The following NF1 variants were observed in gnomAD, a reference collection of about 807,000 sequenced individuals.
NF1 encodes the protein neurofibromin.
A neutral mutation model predicts 325.7 loss-of-function variants in NF1; 122 were observed. That is an observed-to-expected ratio of 0.37 (90% CI 0.32 to 0.44). NF1 has a LOEUF of 0.44. NF1 is among the 20% of genes least tolerant of loss of function. The pLI, the probability that NF1 is intolerant of heterozygous loss-of-function variation, is 1.00. For synonymous variants in NF1, 1,091 were observed against 1,186.0 expected, an observed-to-expected ratio of 0.92 and a Z score of 1.65; for missense variants, 2,140 against 3,415.4, an observed-to-expected ratio of 0.63 and a Z score of 9.31.
intron 36 of NF1, among the ~76,000 whole-genome samples, chr17:31,293,494 A>G (rs898891909): frequency 2.0e-5 from 3 of 152,222 alleles, no homozygotes; most frequent in African/African-American, 7.2e-5. Flanking sequence ...GAGCCACTGT[A>G]CTAGACAGCA....
At chr17:31,358,770 A>G (rs2070333880) in intron 55 of NF1, 148 bp downstream of exon 55, 1 of 1,183,130 alleles carries the variant, frequency 8.5e-7, no homozygotes, top group Non-Finnish European at 1.2e-6. Context: ...TCTCAACTGT[A>G]TGTCCAATGT....
At chr17:31,114,034 C>T (rs1314933951) in intron 1 of NF1, among the ~76,000 whole-genome samples, 1 of 151,944 alleles carries the variant, frequency 6.6e-6, no homozygotes, top group Non-Finnish European at 1.5e-5. Context: ...TACCTAGGGA[C>T]TAAATTGTAA....
In NF1 at chr17:31,142,806, G is replaced by A. The variant is rs538153337; in HGVS notation, c.61-13177G>A. On this transcript the variant is annotated intron_variant, in intron 1 of 57. Transcript: ENST00000358273. ...GGCATGAACCCGGGAGGCGGAGCTT[G>A]CAGTGAACCGAGATCGCGCCACTGT... Among the ~76,000 whole-genome samples, 7 of 152,000 alleles carry A rather than the reference G, an allele frequency of 4.6e-5. No homozygotes were observed. The South Asian group carries it at 1.2e-3, about 27-fold the overall frequency.
intron 36 of NF1, chr17:31,294,922 G>T: frequency 6.5e-7 from 1 of 1,549,978 alleles, no homozygotes. Flanking sequence ...CTTAAATATA[G>T]CTCGAATCAC....
At chr17:31,285,853 T>C (rs562138034) in intron 36 of NF1, among the ~76,000 whole-genome samples, 1 of 152,276 alleles carries the variant, frequency 6.6e-6, no homozygotes, top group African/African-American at 2.4e-5. Flanking sequence ...AAACTAGCTC[T>C]TAGTGGTATT....
At chr17:31,259,262 G>T in intron 33 of NF1, 133 bp downstream of exon 33, 1 of 597,210 alleles carries the variant, frequency 1.7e-6, no homozygotes, top group Non-Finnish European at 3.1e-6. Flanking sequence ...TCAAGACATA[G>T]CTTGTCTTAT....
chr17:31,267,725 C>T (rs112867052), intron 36 of NF1, among the ~76,000 whole-genome samples: 1,851 of 152,302 alleles, frequency 0.012, 37 homozygotes, highest in African/African-American at 0.041. Flanking sequence ...GGTCCACAGA[C>T]GTTTCAGACT....
chr17:31,195,792 A>G (rs2066424823), intron 8 of NF1, among the ~76,000 whole-genome samples: 1 of 151,884 alleles, frequency 6.6e-6, no homozygotes, highest in Non-Finnish European at 1.5e-5. Flanking sequence ...GATATATTCC[A>G]TTGTATATAT....
chr17:31,330,242 G>A, intron 38 of NF1, 54 bp from the exon 39 acceptor site: 3 of 1,495,588 alleles, frequency 2.0e-6, no homozygotes, highest in Non-Finnish European at 2.8e-6. Context: ...AAAAAATTTT[G>A]GAACTATAAG....
In NF1 at chr17:31,232,229, A is replaced by G. The variant is rs764838011; in HGVS notation, c.3314+40A>G. On this transcript the variant is annotated intron_variant, in intron 25 of 57. Transcript: ENST00000358273. ...CCAAAAAACATAAAGCAAAAAGCAAATAAAGCCCCCCACCACACAAAAAAA... is the reference window on the plus strand; with the variant it reads ...CCAAAAAACATAAAGCAAAAAGCAAGTAAAGCCCCCCACCACACAAAAAAA... The G allele has an allele frequency of 4.9e-6, 6 of 1,234,496 alleles. No homozygotes were observed. In the East Asian group the frequency reaches 1.2e-4, roughly 24 times the overall value. The allele number at this position is 1,234,496 out of a possible 1,614,324, so 76.5% of individuals were successfully genotyped here. A position where few individuals can be genotyped will look rare whatever the true frequency, so the allele number is the denominator to read the frequency against.
chr17:31,248,775 G>T (rs1431522574), intron 29 of NF1, among the ~76,000 whole-genome samples: 1 of 151,636 alleles, frequency 6.6e-6, no homozygotes, highest in Non-Finnish European at 1.5e-5. Flanking sequence ...TGTCAGCCTT[G>T]GCCTCCCAAA....
At chr17:31,154,021 G>C in intron 1 of NF1, among the ~76,000 whole-genome samples, 1 of 130,156 alleles carries the variant, frequency 7.7e-6, no homozygotes, top group Non-Finnish European at 1.7e-5. Context: ...TCATCAGTTT[G>C]TGTTTTTACT....
intron 1 of NF1, among the ~76,000 whole-genome samples, chr17:31,096,841 CTA>C (rs1911768887): frequency 6.6e-6 from 1 of 152,068 alleles, no homozygotes; most frequent in African/African-American, 2.4e-5. Flanking sequence ...CCAAAGGCAT[CTA>C]AACTAAACTA....
intron 36 of NF1, among the ~76,000 whole-genome samples, chr17:31,265,556 G>T (rs1418000070): frequency 1.3e-5 from 2 of 151,502 alleles, no homozygotes; most frequent in African/African-American, 4.9e-5. Context: ...TGCTTACTCT[G>T]TCCTACATCA....
At chr17:31,347,449 G>A (rs1412042445) in intron 48 of NF1, among the ~76,000 whole-genome samples, 1 of 152,142 alleles carries the variant, frequency 6.6e-6, no homozygotes, top group African/African-American at 2.4e-5. Flanking sequence ...TCTAGAATTA[G>A]ATACTAATAT....
chr17:31,235,539 C>G (rs755367067), intron 27 of NF1, 72 bp from the exon 28 acceptor site: 13 of 1,569,314 alleles, frequency 8.3e-6, no homozygotes, highest in Non-Finnish European at 1.1e-5. Context: ...TACATTTTTG[C>G]TACTCTTTAG....
chr17:31,141,854 T>C (rs1916239817), intron 1 of NF1, among the ~76,000 whole-genome samples: 1 of 152,172 alleles, frequency 6.6e-6, no homozygotes, highest in Non-Finnish European at 1.5e-5. Flanking sequence ...ATTCCGTTTC[T>C]TGTGGGCTTC....
chr17:31,172,359 CTCTCTCTCTCTCTT>C (rs924567061), intron 5 of NF1, among the ~76,000 whole-genome samples: 29 of 151,928 alleles, frequency 1.9e-4, no homozygotes, highest in South Asian at 8.4e-4. Flanking sequence ...CTGTCTCTCT[CTCTCTCTCTCTCTT>C]TCTCTCTTTC....
intron 8 of NF1, among the ~76,000 whole-genome samples, chr17:31,190,472 A>T (rs2066323877): frequency 6.6e-6 from 1 of 152,162 alleles, no homozygotes; most frequent in Admixed American, 6.5e-5. Context: ...TTGTTTATCT[A>T]AGAAAATATT....
Sources: gnomAD v4.1 joint callset for allele counts (sites outside exome capture counted in the v4.1 genomes callset) on GRCh38, gnomAD v4.1.1 for gene constraint, MANE v1.5 for transcripts, NCBI Gene and HGNC (gene_info 2026-07-23, HGNC 2026-07-21) for gene names.